P4HB: variants seen among roughly 807,000 people sequenced by gnomAD.
The protein encoded by P4HB is prolyl 4-hydroxylase subunit beta.
Under a neutral mutation model 52.6 loss-of-function variants are expected in P4HB, and 20 were observed. That is an observed-to-expected ratio of 0.38 (90% CI 0.27 to 0.55). The LOEUF (loss-of-function observed/expected upper bound fraction) is 0.55. Ranked by LOEUF, P4HB falls within the 20% of genes least tolerant of loss-of-function variation. The probability of loss-of-function intolerance (pLI) is 0.74; values close to 1 mark genes in which losing one functional copy is unlikely to be tolerated. For missense variants in P4HB, 601 were observed against 669.2 expected (o/e 0.90, Z 1.12); for synonymous variants, 296 against 277.9 (o/e 1.07, Z -0.65).
At chr17:81,854,499 A>G (rs1351509223) in intron 4 of P4HB, among the ~76,000 whole-genome samples, 1 of 148,372 alleles carries the variant, frequency 6.7e-6, no homozygotes, top group Non-Finnish European at 1.5e-5. Flanking sequence ...CTAAGAATGC[A>G]CCACCGCACT....
At chr17:81,858,130 G>C (rs1469972258) in intron 2 of P4HB, among the ~76,000 whole-genome samples, 3 of 151,904 alleles carry the variant, frequency 2.0e-5, no homozygotes. Context: ...AAATTAGCCA[G>C]GCGTGGTGGT....
Position 81,860,434 on chromosome 17 carries a change from G to A in P4HB, c.38C>T (p.Ala13Val), listed in dbSNP as rs771986334. 2.8e-5 allele frequency: 40 copies of A among 1,413,586 alleles called. No individual in the cohort carries two copies. In the East Asian group the frequency reaches 9.8e-4, roughly 35 times the overall value. The allele number at this position is 1,413,586 out of a possible 1,614,324, so 87.6% of individuals were successfully genotyped here. Residue 13 changes from alanine (A) to valine (V), a missense_variant, in exon 1 of 11, where the codon GCC (alanine) becomes GTC (valine). Coordinates refer to ENST00000331483, the MANE Select transcript of P4HB (RefSeq NM_000918.4). ...CTCGGGGGCGTCGGCGCGCACCAGG[G>A]CGGCCACGGCCAGGCACAGCAGAGC... ...RRALLCLAVA[A>V]LVRADAPEEE...
chr17:81,847,907 T>TC (rs1323788013), intron 4 of P4HB: 2 of 145,496 alleles, frequency 1.4e-5, no homozygotes, highest in African/African-American at 5.0e-5. Context: ...GTCTTGATCT[T>TC]TTTTTTTTTT....
At position 81,846,075 on chromosome 17, in the gene P4HB, A is replaced by G; in HGVS notation, c.1057-84T>C. On this transcript the variant is annotated intron_variant, in intron 7 of 10. Transcript: ENST00000331483. This position sits in a 1 kb window ranked among gnomAD's most constrained non-coding sequence, Gnocchi z 5.7. Reference sequence around the variant, plus strand: ...CCAACCCTCACCCTGCCCGGGACTGAGGTGCGTGGCTGCCCTGGGCACACC... The same window carrying G: ...CCAACCCTCACCCTGCCCGGGACTGGGGTGCGTGGCTGCCCTGGGCACACC... 1 of 1,455,304 alleles carries G rather than the reference A, an allele frequency of 6.9e-7. No individual in the cohort carries two copies. 90.1% of individuals were successfully genotyped at this position (1,455,304 alleles called of 1,614,324 possible). A position where few individuals can be genotyped will look rare whatever the true frequency, so the allele number is the denominator to read the frequency against.
chr17:81,844,622 C>A (rs1028381445), intron 10 of P4HB, among the ~76,000 whole-genome samples: 2 of 152,224 alleles, frequency 1.3e-5, no homozygotes, highest in African/African-American at 4.8e-5. Context: ...GCAGGCCCTG[C>A]CAGCCTGGGC....
chr17:81,853,502 A>G (rs1255014273), intron 4 of P4HB, among the ~76,000 whole-genome samples: 1 of 151,896 alleles, frequency 6.6e-6, no homozygotes, highest in East Asian at 1.9e-4. Context: ...TGAACCCGTG[A>G]GGCGGAGCTT....
chr17:81,855,253 C>T lies in P4HB; in HGVS notation c.513G>A (p.Gln171=). 1 of 1,614,006 alleles carries T rather than the reference C, an allele frequency of 6.2e-7. No homozygotes were observed. Among genetic ancestry groups the T allele is most frequent in the Non-Finnish European group, 8.5e-7 (1 of 1,179,988 alleles). Reference sequence around the variant, plus strand: ...CGATGGCCTCTGCTGCCTGCAAAAACTGCTTGGCAGAGTCCGACTCCACGT... The same window carrying T: ...CGATGGCCTCTGCTGCCTGCAAAAATTGCTTGGCAGAGTCCGACTCCACGT... The part of the protein sequence containing the change: ...FKDVESDSAK[Q]FLQAAEAIDD... The change falls in exon 4 of 11, where the codon CAG becomes CAA. Residue 171 remains glutamine, a synonymous_variant. Transcript: ENST00000331483. The surrounding 1 kb of genome is among the most constrained non-coding windows in gnomAD (Gnocchi z 4.3).
intron 4 of P4HB, among the ~76,000 whole-genome samples, chr17:81,853,813 A>G (rs2038871489): frequency 6.6e-6 from 1 of 151,684 alleles, no homozygotes; most frequent in African/African-American, 2.4e-5. Flanking sequence ...TCCTATCCAC[A>G]CTACCCTGGC....
At chr17:81,853,101 T>C (rs2038857382) in intron 4 of P4HB, among the ~76,000 whole-genome samples, 1 of 152,202 alleles carries the variant, frequency 6.6e-6, no homozygotes, top group Non-Finnish European at 1.5e-5. Flanking sequence ...GAATGTCTCC[T>C]GGTAAAGAGC....
At position 81,846,306 on chromosome 17, in the gene P4HB, G is replaced by T; in HGVS notation, c.1056+123C>A. The T allele has an allele frequency of 1.1e-6, 1 of 916,898 alleles. No homozygotes were observed. The allele number at this position is 916,898 out of a possible 1,614,324, so 56.8% of individuals were successfully genotyped here. A position where few individuals can be genotyped will look rare whatever the true frequency, so the allele number is the denominator to read the frequency against. On this transcript the variant is annotated intron_variant, in intron 7 of 10. Transcript: ENST00000331483. The surrounding 1 kb of genome is among the most constrained non-coding windows in gnomAD (Gnocchi z 5.7). ...GAATGGTGGTCTTCACACCATCTTG[G>T]GCTCCGTCCTCTTACTCTGAAGATC...
chr17:81,857,183 C>CT (rs1398248527), intron 2 of P4HB, among the ~76,000 whole-genome samples: 1 of 152,166 alleles, frequency 6.6e-6, no homozygotes, highest in Non-Finnish European at 1.5e-5. Flanking sequence ...AAGTCTCACT[C>CT]TGTCACCCAG....
At chr17:81,845,294 C>T in intron 9 of P4HB, 64 bp from the exon 10 acceptor site, 3 of 1,335,540 alleles carry the variant, frequency 2.2e-6, no homozygotes, top group South Asian at 2.4e-5. Context: ...CTGGCATTGG[C>T]TCCTCCTCCC....
Position 81,845,486 on chromosome 17 carries a change from G to A in P4HB, c.1359+75C>T, listed in dbSNP as rs1055580328. The A allele has an allele frequency of 3.5e-5, 50 of 1,412,522 alleles. No individual in the cohort carries two copies. The African/African-American group carries it at 6.1e-4, about 17-fold the overall frequency. The allele number at this position is 1,412,522 out of a possible 1,614,324, so 87.5% of individuals were successfully genotyped here. On this transcript the variant is annotated intron_variant, in intron 9 of 10. Coordinates refer to ENST00000331483, the MANE Select transcript of P4HB (RefSeq NM_000918.4). Reference sequence around the variant, plus strand: ...TGACTAGCCCCAGGCTCCTTCCAGAGAGGCACCCAGGCTGGCGTGGGGACC... The same window carrying A: ...TGACTAGCCCCAGGCTCCTTCCAGAAAGGCACCCAGGCTGGCGTGGGGACC...
At chr17:81,853,915 C>G (rs562851598) in intron 4 of P4HB, among the ~76,000 whole-genome samples, 1 of 152,190 alleles carries the variant, frequency 6.6e-6, no homozygotes, top group South Asian at 2.1e-4. Flanking sequence ...GCCTGGTGAC[C>G]GAGAAAAGAG....
chr17:81,846,806 C>T lies in P4HB; in HGVS notation c.855+141G>A, dbSNP rs954677777. 36 of 1,265,352 alleles carry T rather than the reference C, an allele frequency of 2.8e-5. No individual in the cohort carries two copies. Among genetic ancestry groups the T allele is most frequent in the Non-Finnish European group, 3.6e-5 (32 of 894,182 alleles). 78.4% of individuals were successfully genotyped at this position (1,265,352 alleles called of 1,614,324 possible). A position where few individuals can be genotyped will look rare whatever the true frequency, so the allele number is the denominator to read the frequency against. ...CAGAGGTCTGGCCTGGCTGGCCCCT[C>T]GCCTACATCCAGGCTGTCCTGAATC... is the stretch of plus-strand genomic sequence containing the variant. On this transcript the variant is annotated intron_variant, in intron 6 of 10. Transcript: ENST00000331483. This position sits in a 1 kb window ranked among gnomAD's most constrained non-coding sequence, Gnocchi z 5.7.
intron 4 of P4HB, among the ~76,000 whole-genome samples, chr17:81,848,312 C>A (rs1055383616): frequency 1.3e-5 from 2 of 152,236 alleles, no homozygotes; most frequent in African/African-American, 4.8e-5. Flanking sequence ...GTCGCAAGAG[C>A]AGGAGGGCAG....
intron 4 of P4HB, among the ~76,000 whole-genome samples, chr17:81,854,322 C>T (rs1367614454): frequency 2.1e-5 from 3 of 146,290 alleles, no homozygotes; most frequent in East Asian, 2.1e-4. Context: ...GCAGACCACT[C>T]GGAGCTCAGG....
At position 81,859,185 on chromosome 17, in the gene P4HB, A is replaced by G. The variant is rs748673641; in HGVS notation, c.348T>C (p.Tyr116=). 2.1e-5 allele frequency: 34 copies of G among 1,613,540 alleles called. No individual in the cohort carries two copies. Among genetic ancestry groups the G allele is most frequent in the Non-Finnish European group, 2.7e-5 (32 of 1,179,798 alleles). The change falls in exon 2 of 11, where the codon TAT becomes TAC. Residue 116 remains tyrosine, a synonymous_variant. Transcript: ENST00000331483. ...RNGDTASPKE[Y]TAGREADDIV... Reference sequence around the variant, plus strand: ...AGGGCAGTGCCACAGCCACACCTGTATATTCCTTGGGGGAAGCCGTGTCTC... The same window carrying G: ...AGGGCAGTGCCACAGCCACACCTGTGTATTCCTTGGGGGAAGCCGTGTCTC...
chr17:81,859,172 C>A lies in P4HB; in HGVS notation c.352+9G>T, dbSNP rs552920510. 6.2e-7 allele frequency: 1 copy of A among 1,612,792 alleles called. No homozygotes were observed. Among genetic ancestry groups the A allele is most frequent in the South Asian group, 1.1e-5 (1 of 91,060 alleles). On this transcript the variant is annotated intron_variant, in intron 2 of 10. Coordinates refer to ENST00000331483, the MANE Select transcript of P4HB (RefSeq NM_000918.4). ...TAAAGACAGTTCAAGGGCAGTGCCA[C>A]AGCCACACCTGTATATTCCTTGGGG...
Sources: allele counts gnomAD v4.1 joint callset (sites outside exome capture counted in the v4.1 genomes callset), GRCh38; gene constraint gnomAD v4.1.1; non-coding constraint Gnocchi (gnomAD v3.1); transcripts MANE v1.5; gene names NCBI Gene and HGNC (gene_info 2026-07-23, HGNC 2026-07-21).